Variants in ADAMTSL1 observed in about 807,000 individuals in gnomAD.
ADAMTSL1 encodes ADAMTS-like protein 1.
Under a neutral mutation model 201.8 loss-of-function variants are expected in ADAMTSL1, and 126 were observed. The observed-to-expected ratio is 0.62, with a 90% CI of 0.54 to 0.72. The LOEUF (loss-of-function observed/expected upper bound fraction) is 0.72. ADAMTSL1 is among the 30% of genes least tolerant of loss of function. The pLI is 0.00. For missense variants in ADAMTSL1, 2,679 were observed against 2,277.8 expected (o/e 1.18, Z -3.59); for synonymous variants, 1,121 against 903.4 (o/e 1.24, Z -4.32).
At chr9:18,446,642 A>C (rs1820203875) in intron 2 of ADAMTSL1, among the ~76,000 whole-genome samples, 1 of 152,256 alleles carries the variant, frequency 6.6e-6, no homozygotes, top group South Asian at 2.1e-4. Flanking sequence ...GAAACAAGGC[A>C]TATTGGTCCT....
chr9:18,235,481 T>C (rs1225406023), intron 2 of ADAMTSL1, among the ~76,000 whole-genome samples: 1 of 152,208 alleles, frequency 6.6e-6, no homozygotes, highest in Non-Finnish European at 1.5e-5. Flanking sequence ...CATATTTCCA[T>C]TGTCTTTGAT....
chr9:17,974,539 C>T (rs1413665928), intron 1 of ADAMTSL1, among the ~76,000 whole-genome samples: 1 of 151,984 alleles, frequency 6.6e-6, no homozygotes, highest in Non-Finnish European at 1.5e-5. Flanking sequence ...CCCCTCAGCC[C>T]CTGGCAATCA....
chr9:17,907,452 G>T (rs904950692), intron 1 of ADAMTSL1, among the ~76,000 whole-genome samples: 2 of 152,190 alleles, frequency 1.3e-5, no homozygotes, highest in Non-Finnish European at 2.9e-5. Context: ...TGTAATGTGT[G>T]CGGACGCCGG....
chr9:18,132,560 G>C (rs913485813), intron 1 of ADAMTSL1, among the ~76,000 whole-genome samples: 3 of 152,190 alleles, frequency 2.0e-5, no homozygotes, highest in Non-Finnish European at 2.9e-5. Flanking sequence ...AACCTAGATG[G>C]GTTCAACTGT....
intron 1 of ADAMTSL1, among the ~76,000 whole-genome samples, chr9:17,978,734 T>G (rs1818558049): frequency 6.6e-6 from 1 of 152,128 alleles, no homozygotes; most frequent in Admixed American, 6.6e-5. Context: ...TATTAGAGTA[T>G]TATGAATTTT....
chr9:18,607,912 A>AT (rs1825131220), intron 4 of ADAMTSL1, among the ~76,000 whole-genome samples: 1 of 152,104 alleles, frequency 6.6e-6, no homozygotes, highest in Admixed American at 6.6e-5. Flanking sequence ...TGAACTCATC[A>AT]TTTTTTATGA....
At chr9:18,616,999 T>A (rs1264851346) in intron 4 of ADAMTSL1, among the ~76,000 whole-genome samples, 1 of 152,196 alleles carries the variant, frequency 6.6e-6, no homozygotes, top group Non-Finnish European at 1.5e-5. Context: ...TAAGTAAATA[T>A]AAATAAGAAC....
intron 23 of ADAMTSL1, among the ~76,000 whole-genome samples, chr9:18,870,788 T>G (rs1324750851): frequency 1.3e-5 from 2 of 152,134 alleles, no homozygotes; most frequent in African/African-American, 4.8e-5. Context: ...GTAGTAATTG[T>G]TTTTCTCGGG....
At chr9:18,484,604 A>C (rs1469556163) in intron 1 of ADAMTSL1, among the ~76,000 whole-genome samples, 1 of 152,232 alleles carries the variant, frequency 6.6e-6, no homozygotes, top group Non-Finnish European at 1.5e-5. Context: ...CCTTTAAACC[A>C]GTCCCTCTTT....
intron 2 of ADAMTSL1, among the ~76,000 whole-genome samples, chr9:18,259,703 C>A (rs963811086): frequency 6.6e-6 from 1 of 152,064 alleles, no homozygotes; most frequent in Admixed American, 6.6e-5. Flanking sequence ...GTGCCAAACT[C>A]AAGTTTTCTT....
chr9:18,702,508 A>T (rs1430796669), intron 13 of ADAMTSL1, among the ~76,000 whole-genome samples: 1 of 151,744 alleles, frequency 6.6e-6, no homozygotes, highest in African/African-American at 2.4e-5. Context: ...CATAAAAGAG[A>T]CTATGGTAAT....
chr9:18,400,639 G>A lies in ADAMTSL1; in HGVS notation c.208-104190G>A, dbSNP rs146648586. On this transcript the variant is annotated intron_variant, in intron 2 of 29. Transcript: ENST00000680146. Reference sequence around the variant, plus strand: ...AGGAGTGAATTTCCATTTTGACTTGGTGTCAATGAAAACCAAACCCTCAGC... The same window carrying A: ...AGGAGTGAATTTCCATTTTGACTTGATGTCAATGAAAACCAAACCCTCAGC... Among the ~76,000 whole-genome samples the A allele has an allele frequency of 3.9e-5, 6 of 152,242 alleles. No individual in the cohort carries two copies. In the East Asian group the frequency reaches 1.2e-3, roughly 29 times the overall value.
chr9:18,399,983 G>C (rs1179692320), intron 2 of ADAMTSL1, among the ~76,000 whole-genome samples: 1 of 152,144 alleles, frequency 6.6e-6, no homozygotes, highest in Non-Finnish European at 1.5e-5. Flanking sequence ...CTGTAGCACT[G>C]AGGTGATAGT....
intron 1 of ADAMTSL1, chr9:17,906,975 C>G (rs1376514705): frequency 6.6e-6 from 1 of 152,386 alleles, no homozygotes; most frequent in Admixed American, 6.5e-5. Context: ...CTTCTAAAGC[C>G]TGTGCTACAG....
chr9:18,644,263 A>C (rs1019213453), intron 7 of ADAMTSL1, among the ~76,000 whole-genome samples: 1 of 151,882 alleles, frequency 6.6e-6, no homozygotes, highest in African/African-American at 2.4e-5. Context: ...TAGTTCTAAA[A>C]GTTTTTTGGT....
chr9:18,047,192 A>C (rs146631448), intron 1 of ADAMTSL1, among the ~76,000 whole-genome samples: 2 of 152,316 alleles, frequency 1.3e-5, no homozygotes, highest in African/African-American at 4.8e-5. Flanking sequence ...ATATAAAGAA[A>C]TGTTAACTAG....
chr9:18,100,285 C>G (rs1824458718), intron 1 of ADAMTSL1, among the ~76,000 whole-genome samples: 1 of 152,036 alleles, frequency 6.6e-6, no homozygotes, highest in African/African-American at 2.4e-5. Context: ...TTTACCCAAA[C>G]TGTTTTTGTT....
intron 23 of ADAMTSL1, among the ~76,000 whole-genome samples, chr9:18,865,375 A>G (rs1460763661): frequency 3.3e-5 from 5 of 152,096 alleles, no homozygotes; most frequent in Non-Finnish European, 5.9e-5. Flanking sequence ...TGAACTCATC[A>G]TTTTTTATGG....
chr9:18,431,975 G>A (rs1819513343), intron 2 of ADAMTSL1, among the ~76,000 whole-genome samples: 1 of 152,134 alleles, frequency 6.6e-6, no homozygotes, highest in Non-Finnish European at 1.5e-5. Context: ...ATAGAAAACT[G>A]AAAGCCCATA....
Sources: gnomAD v4.1 joint callset for allele counts (sites outside exome capture counted in the v4.1 genomes callset) on GRCh38, gnomAD v4.1.1 for gene constraint, MANE v1.5 for transcripts, NCBI Gene and HGNC (gene_info 2026-07-23, HGNC 2026-07-21) for gene names.